The following AGMO variants were observed in gnomAD, a reference collection of about 807,000 sequenced individuals.
AGMO encodes the protein glyceryl-ether monooxygenase.
AGMO carries 75 observed loss-of-function variants against 60.2 expected under a neutral mutation model. The observed-to-expected ratio is 1.25, with a 90% CI of 1.03 to 1.51. The LOEUF is 1.51. Among genes scored for constraint, AGMO ranks in the 40% most tolerant of loss-of-function variants. The pLI, the probability that AGMO is intolerant of heterozygous loss-of-function variation, is 0.00. For synonymous variants in AGMO, 261 were observed against 177.1 expected (o/e 1.47, Z -3.76); for missense variants, 763 against 525.5 (o/e 1.45, Z -4.42).
At chr7:15,307,731 A>G (rs1163185395) in intron 12 of AGMO, among the ~76,000 whole-genome samples, 2 of 151,990 alleles carry the variant, frequency 1.3e-5, no homozygotes, top group Non-Finnish European at 2.9e-5. Context: ...TGAGATTTGG[A>G]TATCTCACAG....
intron 5 of AGMO, among the ~76,000 whole-genome samples, chr7:15,410,450 G>A (rs1488991246): frequency 6.6e-6 from 1 of 151,660 alleles, no homozygotes; most frequent in Non-Finnish European, 1.5e-5. Context: ...TTATAGTTAA[G>A]AATGCAATTT....
rs1327799663 is a variant in AGMO at position 15,355,858 on chromosome 7, G to C, written c.1263+9656C>G. 2.0e-5 allele frequency among the ~76,000 whole-genome samples: 3 copies of C among 151,952 alleles called. No homozygotes were observed. The East Asian group carries it at 5.8e-4, about 29-fold the overall frequency. On this transcript the variant is annotated intron_variant, in intron 12 of 12. Coordinates refer to ENST00000342526, the MANE Select transcript of AGMO (RefSeq NM_001004320.2). ...GAAGATACTTTCAATAAACATAAAT[G>C]ACAAAGGACTGATATTATAATCATA...
intron 8 of AGMO, among the ~76,000 whole-genome samples, chr7:15,390,387 C>T (rs1003300763): frequency 1.3e-5 from 2 of 152,162 alleles, no homozygotes; most frequent in African/African-American, 4.8e-5. Flanking sequence ...AATACATGAA[C>T]ATATTTCAGG....
At chr7:15,169,437 C>T in the AGMO span, among the ~76,000 whole-genome samples, 85 of 151,454 alleles carry the variant, frequency 5.6e-4, no homozygotes, top group African/African-American at 1.8e-3. Context: ...TCTTTTTTTT[C>T]TTTCTTTCTT....
the AGMO span, among the ~76,000 whole-genome samples, chr7:15,122,618 C>A: frequency 6.6e-6 from 1 of 152,218 alleles, no homozygotes; most frequent in African/African-American, 2.4e-5. Flanking sequence ...ACTCACATTT[C>A]TACCCTTTCG....
At chr7:15,363,378 T>A (rs956892691) in intron 12 of AGMO, among the ~76,000 whole-genome samples, 2 of 152,200 alleles carry the variant, frequency 1.3e-5, no homozygotes, top group Non-Finnish European at 2.9e-5. Flanking sequence ...GCACTTACTA[T>A]GTGTTAATCA....
chr7:15,552,395 G>C (rs980121566), intron 2 of AGMO, among the ~76,000 whole-genome samples: 1 of 152,106 alleles, frequency 6.6e-6, no homozygotes, highest in South Asian at 2.1e-4. Flanking sequence ...CCTACAAAAT[G>C]GGAGAAGATT....
chr7:15,325,731 G>T (rs933779445), intron 12 of AGMO, among the ~76,000 whole-genome samples: 2 of 152,022 alleles, frequency 1.3e-5, no homozygotes, highest in African/African-American at 4.8e-5. Context: ...TTACTTTTGA[G>T]TCATCCAAAT....
chr7:15,390,204 C>T (rs896643632), intron 8 of AGMO, among the ~76,000 whole-genome samples: 6 of 151,924 alleles, frequency 3.9e-5, no homozygotes, highest in Non-Finnish European at 5.9e-5. Flanking sequence ...TCTTAGCAAG[C>T]GAGGTAATGC....
chr7:15,275,487 T>C (rs1583353050), intron 12 of AGMO, among the ~76,000 whole-genome samples: 1 of 152,168 alleles, frequency 6.6e-6, no homozygotes, highest in South Asian at 2.1e-4. Context: ...CTGGAGAATG[T>C]CCCATGCACA....
At chr7:15,387,015 T>C (rs1265231212) in intron 9 of AGMO, among the ~76,000 whole-genome samples, 1 of 152,176 alleles carries the variant, frequency 6.6e-6, no homozygotes, top group African/African-American at 2.4e-5. Flanking sequence ...CCTCAGTTTT[T>C]CATGAGTGGA....
At chr7:15,142,090 C>T in the AGMO span, among the ~76,000 whole-genome samples, 535 of 152,182 alleles carry the variant, frequency 3.5e-3, 2 homozygotes, top group African/African-American at 0.01. Flanking sequence ...GTATCAAGGT[C>T]GAGATCTGTC....
At chr7:15,159,902 G>A in the AGMO span, among the ~76,000 whole-genome samples, 774 of 152,198 alleles carry the variant, frequency 5.1e-3, 4 homozygotes, top group Non-Finnish European at 6.4e-3. Flanking sequence ...TATTCCTCCA[G>A]AATTCTCAGA....
At chr7:15,298,227 C>T (rs192166800) in intron 12 of AGMO, among the ~76,000 whole-genome samples, 1 of 152,050 alleles carries the variant, frequency 6.6e-6, no homozygotes, top group South Asian at 2.1e-4. Context: ...ATAAAAAATG[C>T]AGTAAGAATA....
intron 12 of AGMO, among the ~76,000 whole-genome samples, chr7:15,342,104 G>T (rs767199336): frequency 2.2e-5 from 3 of 134,172 alleles, no homozygotes; most frequent in Non-Finnish European, 3.1e-5. Context: ...GATGCATTTA[G>T]AAAGCATTTA....
intron 3 of AGMO, among the ~76,000 whole-genome samples, chr7:15,480,342 A>G (rs900022960): frequency 2.0e-5 from 3 of 152,174 alleles, no homozygotes; most frequent in Non-Finnish European, 2.9e-5. Flanking sequence ...TAATGTTTAG[A>G]GTCAGTTGAA....
At chr7:15,479,547 A>G (rs1174832278) in intron 3 of AGMO, among the ~76,000 whole-genome samples, 16 of 152,166 alleles carry the variant, frequency 1.1e-4, no homozygotes, top group Non-Finnish European at 2.4e-4. Context: ...AAATCGTTCA[A>G]ATTTGAAAGG....
intron 12 of AGMO, among the ~76,000 whole-genome samples, chr7:15,360,065 C>T (rs1372067444): frequency 6.6e-6 from 1 of 152,148 alleles, no homozygotes; most frequent in Non-Finnish European, 1.5e-5. Flanking sequence ...GCACAACATA[C>T]TGCACGCACA....
At chr7:15,473,194 C>G (rs1243208608) in intron 3 of AGMO, among the ~76,000 whole-genome samples, 1 of 151,866 alleles carries the variant, frequency 6.6e-6, no homozygotes, top group Non-Finnish European at 1.5e-5. Flanking sequence ...CAAGACTTAA[C>G]CAGGAAGAAG....
Sources: allele counts gnomAD v4.1 joint callset (sites outside exome capture counted in the v4.1 genomes callset), GRCh38; gene constraint gnomAD v4.1.1; transcripts MANE v1.5; gene names NCBI Gene and HGNC (gene_info 2026-07-23, HGNC 2026-07-21).